NPIPA5: variants seen among roughly 807,000 people sequenced by gnomAD.
NPIPA5 encodes the protein nuclear pore complex-interacting protein family member A5.
Under a neutral mutation model 21.4 loss-of-function variants are expected in NPIPA5, and 6 were observed. The observed-to-expected ratio is 0.28, with a 90% CI of 0.15 to 0.55. The LOEUF is 0.55. NPIPA5 is among the 20% of genes least tolerant of loss of function. The pLI is 0.93. For synonymous variants in NPIPA5, 33 were observed against 115.3 expected, an observed-to-expected ratio of 0.29 and a Z score of 4.57; for missense variants, 99 against 318.2, an observed-to-expected ratio of 0.31 and a Z score of 5.24.
chr16:15,370,400 T>C (rs2050119255), intron 2 of NPIPA5, among the ~76,000 whole-genome samples: 1 of 129,992 alleles, frequency 7.7e-6, no homozygotes, highest in Non-Finnish European at 1.6e-5. Context: ...CACTCCAGCC[T>C]GAGTGACAGA....
At chr16:15,369,266 G>A (rs2050079732) in intron 4 of NPIPA5, among the ~76,000 whole-genome samples, 4 of 148,952 alleles carry the variant, frequency 2.7e-5, no homozygotes, top group South Asian at 4.3e-4. Flanking sequence ...GACCAGTCTG[G>A]ACAACATGGT....
At chr16:15,366,056 G>A (rs1474128225) in intron 5 of NPIPA5, among the ~76,000 whole-genome samples, 2 of 45,852 alleles carry the variant, frequency 4.4e-5, no homozygotes, top group African/African-American at 5.9e-5. Flanking sequence ...GTGACACAGC[G>A]AGACTCCATC....
chr16:15,380,053 TATC>T (rs886338118), upstream of NPIPA5, among the ~76,000 whole-genome samples: 6 of 151,912 alleles, frequency 3.9e-5, no homozygotes, highest in Admixed American at 3.9e-4. Flanking sequence ...TTTTTGAGAT[TATC>T]ATTTTAAAAG....
At chr16:15,376,708 A>G (rs1451803203) in intron 1 of NPIPA5, among the ~76,000 whole-genome samples, 4 of 152,230 alleles carry the variant, frequency 2.6e-5, no homozygotes, top group Non-Finnish European at 4.4e-5. Context: ...CGAGGTCAAG[A>G]CATGGAGACT....
chr16:15,370,619 T>C (rs2050127888), intron 2 of NPIPA5, among the ~76,000 whole-genome samples: 1 of 141,614 alleles, frequency 7.1e-6, no homozygotes, highest in Admixed American at 7.7e-5. Flanking sequence ...GGCATGGTGG[T>C]GCATGCCTGT....
intron 1 of NPIPA5, among the ~76,000 whole-genome samples, chr16:15,377,607 C>T (rs1041529412): frequency 8.8e-5 from 10 of 113,814 alleles, no homozygotes; most frequent in Admixed American, 3.9e-4. Context: ...GGACGGGGAC[C>T]GGGGCCGGAT....
At chr16:15,379,368 G>C (rs1488709811), upstream of NPIPA5, among the ~76,000 whole-genome samples, 1 of 151,158 alleles carries the variant, frequency 6.6e-6, no homozygotes, top group Non-Finnish European at 1.5e-5. Flanking sequence ...AGGAGTTCCA[G>C]ACCAGCCTGG....
At chr16:15,370,758 A>AC (rs2050132393) in intron 2 of NPIPA5, among the ~76,000 whole-genome samples, 1 of 146,778 alleles carries the variant, frequency 6.8e-6, no homozygotes, top group Non-Finnish European at 1.5e-5. Context: ...TCTCAAAAAA[A>AC]AAAAAAAATA....
rs1431587693 is a variant in NPIPA5, at chr16:15,365,315, CCT to C, written c.642+112_642+113del. 6.7e-4 allele frequency: 713 copies of C among 1,064,946 alleles called. 12 individuals carry two copies. In the East Asian group the frequency reaches 0.016, roughly 23 times the overall value. 66.0% of individuals were successfully genotyped at this position (1,064,946 alleles called of 1,614,324 possible). ...GACTGTGATGCTTGTAGGCAGCCTT[CCT>C]CTCTGCCATCTCCCTCTGCAGGGCT... On this transcript the variant is annotated intron_variant, in intron 7 of 7. Coordinates refer to ENST00000360151, the MANE Select transcript of NPIPA5 (RefSeq NM_001277325.2).
At chr16:15,379,943 CA>C (rs1245780499), upstream of NPIPA5, among the ~76,000 whole-genome samples, 28 of 142,976 alleles carry the variant, frequency 2.0e-4, no homozygotes, top group East Asian at 6.1e-4. Context: ...AACTCTGTCT[CA>C]AAAAAAAATA....
intron 2 of NPIPA5, among the ~76,000 whole-genome samples, chr16:15,372,384 C>A (rs1255017762): frequency 1.4e-5 from 2 of 147,424 alleles, no homozygotes; most frequent in African/African-American, 4.9e-5. Context: ...ACTTGAGAGG[C>A]TGAGGCAGGG....
rs1003839815 is a variant in NPIPA5, at chr16:15,377,834, C to G, written c.63+398G>C. Among the ~76,000 whole-genome samples, 166 of 150,674 alleles carry G rather than the reference C, an allele frequency of 1.1e-3. 1 individual carries two copies. Among genetic ancestry groups the G allele is most frequent in the African/African-American group, 4.0e-3 (165 of 41,062 alleles). ...AAGATCAGGGAAGCAACAGGACAGGCGGGGCAAGGGAGCGTGAGGCTTAGG... is the reference window on the plus strand; with the variant it reads ...AAGATCAGGGAAGCAACAGGACAGGGGGGGCAAGGGAGCGTGAGGCTTAGG... On this transcript the variant is annotated intron_variant, in intron 1 of 7. Coordinates refer to ENST00000360151, the MANE Select transcript of NPIPA5 (RefSeq NM_001277325.2).
At chr16:15,375,229 A>G (rs540117760) in intron 1 of NPIPA5, among the ~76,000 whole-genome samples, 1 of 151,568 alleles carries the variant, frequency 6.6e-6, no homozygotes, top group Admixed American at 6.6e-5. Context: ...GCACCTGGCC[A>G]GTAGTTATCT....
At chr16:15,369,012 G>A (rs1230168497) in intron 4 of NPIPA5, among the ~76,000 whole-genome samples, 5 of 134,420 alleles carry the variant, frequency 3.7e-5, no homozygotes, top group South Asian at 2.5e-4. Context: ...AAAATTGGCC[G>A]AATGTGGTGG....
chr16:15,379,790 C>T (rs908932726), upstream of NPIPA5, among the ~76,000 whole-genome samples: 1 of 151,598 alleles, frequency 6.6e-6, no homozygotes, highest in African/African-American at 2.4e-5. Flanking sequence ...ACTAAGAATA[C>T]AAAAATTAGC....
chr16:15,371,348 T>A lies in NPIPA5; in HGVS notation c.193-1229A>T, dbSNP rs929257674. The stretch of plus-strand genomic sequence containing the variant: ...CTGGTTTGAACTTAATGCAAAACAT[T>A]CTCACTAATGATTGAATTCCCACCA... On this transcript the variant is annotated intron_variant, in intron 2 of 7. Transcript: ENST00000360151. Among the ~76,000 whole-genome samples, 18 of 144,972 alleles carry A rather than the reference T, an allele frequency of 1.2e-4. 2 individuals carry two copies. Among genetic ancestry groups the A allele is most frequent in the Admixed American group, 9.0e-4 (12 of 13,392 alleles).
chr16:15,367,571 T>C (rs938047036), intron 4 of NPIPA5, among the ~76,000 whole-genome samples: 2 of 151,888 alleles, frequency 1.3e-5, no homozygotes, highest in African/African-American at 4.9e-5. Flanking sequence ...ACTTGATTCA[T>C]GGTCGTGATC....
chr16:15,378,005 C>T (rs1186737068), intron 1 of NPIPA5, among the ~76,000 whole-genome samples: 1 of 144,680 alleles, frequency 6.9e-6, no homozygotes, highest in East Asian at 2.4e-4. Context: ...AAGTAGTGCC[C>T]GCATCATCCC....
At chr16:15,372,643 C>T (rs935093061) in intron 2 of NPIPA5, among the ~76,000 whole-genome samples, 6 of 145,436 alleles carry the variant, frequency 4.1e-5, no homozygotes, top group Non-Finnish European at 7.6e-5. Flanking sequence ...TGCCAAATGA[C>T]GTGTAATTAT....
Sources: gnomAD v4.1 joint callset for allele counts (sites outside exome capture counted in the v4.1 genomes callset) on GRCh38, gnomAD v4.1.1 for gene constraint, MANE v1.5 for transcripts, NCBI Gene and HGNC (gene_info 2026-07-23, HGNC 2026-07-21) for gene names.